TTLL5: variants seen among roughly 807,000 people sequenced by gnomAD.
TTLL5 encodes tubulin polyglutamylase TTLL5.
Under a neutral mutation model 168.4 loss-of-function variants are expected in TTLL5, and 132 were observed. The observed-to-expected ratio is 0.78, with a 90% confidence interval of 0.68 to 0.91. TTLL5 has a LOEUF of 0.91. Ranked by LOEUF, TTLL5 falls within the 40% of genes least tolerant of loss-of-function variation. The probability of loss-of-function intolerance (pLI) is 0.00; values close to 1 mark genes in which losing one functional copy is unlikely to be tolerated. For missense variants in TTLL5, 1,545 were observed against 1,581.5 expected, an observed-to-expected ratio of 0.98 and a Z score of 0.39; for synonymous variants, 546 against 558.6, an observed-to-expected ratio of 0.98 and a Z score of 0.32.
At chr14:75,692,088 T>C (rs1300712065) in intron 6 of TTLL5, among the ~76,000 whole-genome samples, 1 of 152,240 alleles carries the variant, frequency 6.6e-6, no homozygotes, top group Admixed American at 6.5e-5. Context: ...AATTTTTTGC[T>C]ATGTGACTTT....
intron 15 of TTLL5, among the ~76,000 whole-genome samples, chr14:75,743,575 CTTT>C (rs33959405): frequency 3.2e-5 from 2 of 63,098 alleles, no homozygotes; most frequent in Non-Finnish European, 5.3e-5. Context: ...TGGCATCGCT[CTTT>C]TTTTTTTTTT....
chr14:75,844,216 A>G (rs1471109039), intron 28 of TTLL5, among the ~76,000 whole-genome samples: 4 of 152,102 alleles, frequency 2.6e-5, no homozygotes, highest in African/African-American at 9.7e-5. Context: ...AATCTGAGTT[A>G]ATTTTTGTAT....
chr14:75,861,627 T>C (rs142364028), intron 28 of TTLL5, among the ~76,000 whole-genome samples: 51 of 152,298 alleles, frequency 3.3e-4, no homozygotes, highest in Admixed American at 1.6e-3. Context: ...CACCCTTTCA[T>C]TTTTCTAAGC....
chr14:75,708,782 C>G (rs974366667), intron 9 of TTLL5, among the ~76,000 whole-genome samples: 1 of 152,156 alleles, frequency 6.6e-6, no homozygotes, highest in Non-Finnish European at 1.5e-5. Context: ...AACTACTATG[C>G]TGTGTTCTTC....
chr14:75,735,341 G>A lies in TTLL5; in HGVS notation c.1281+52G>A, dbSNP rs541231610. ...TGAAGGAGGCTTACTGGGAAGTGGC[G>A]GCTGATGTAACTGTGGGAGCAGAAG... On this transcript the variant is annotated intron_variant, in intron 15 of 31. Coordinates refer to ENST00000298832, the MANE Select transcript of TTLL5 (RefSeq NM_015072.5). The A allele has an allele frequency of 1.5e-5, 23 of 1,571,000 alleles. No homozygotes were observed. In the East Asian group the frequency reaches 2.2e-4, roughly 15 times the overall value.
At chr14:75,673,518 G>A (rs1883904055) in intron 3 of TTLL5, among the ~76,000 whole-genome samples, 2 of 152,070 alleles carry the variant, frequency 1.3e-5, no homozygotes, top group Admixed American at 6.5e-5. Flanking sequence ...TGTGAGTCTT[G>A]GGCAAGTGAC....
chr14:75,684,663 G>C (rs1356229879), intron 5 of TTLL5: 1 of 152,094 alleles, frequency 6.6e-6, no homozygotes, highest in Non-Finnish European at 1.5e-5. Flanking sequence ...ATAGCCTTAC[G>C]GTCACAGGGA....
chr14:75,869,554 T>C (rs2030837893), intron 29 of TTLL5, among the ~76,000 whole-genome samples: 1 of 152,202 alleles, frequency 6.6e-6, no homozygotes, highest in South Asian at 2.1e-4. Flanking sequence ...TTTTTTTGTA[T>C]TATCTCAGTG....
At chr14:75,792,651 T>G (rs1892793154) in intron 26 of TTLL5, among the ~76,000 whole-genome samples, 1 of 152,216 alleles carries the variant, frequency 6.6e-6, no homozygotes, top group Non-Finnish European at 1.5e-5. Flanking sequence ...CTACATATAA[T>G]GAAAATTCTT....
chr14:75,741,396 G>A (rs545612792), intron 15 of TTLL5, among the ~76,000 whole-genome samples: 1 of 152,044 alleles, frequency 6.6e-6, no homozygotes, highest in East Asian at 1.9e-4. Flanking sequence ...GGAATATGTG[G>A]ATTTATTATA....
chr14:75,947,656 T>C lies in TTLL5; in HGVS notation c.3824-6768T>C, dbSNP rs150629599. Among the ~76,000 whole-genome samples the C allele has an allele frequency of 6.0e-3, 906 of 152,258 alleles. 7 individuals carry two copies. The highest frequency in any genetic ancestry group is 8.9e-3 in the Non-Finnish European group (606 of 68,014). The stretch of plus-strand genomic sequence containing the variant: ...AGTAATGTTTCTGATAATAAGAACA[T>C]TTAAGAGGCTGTGCATAGTGGTTCA... On this transcript the variant is annotated intron_variant, in intron 31 of 31. Transcript: ENST00000298832.
At chr14:75,871,690 C>T (rs77669098) in intron 29 of TTLL5, among the ~76,000 whole-genome samples, 1 of 152,012 alleles carries the variant, frequency 6.6e-6, no homozygotes, top group African/African-American at 2.4e-5. Flanking sequence ...GTTTGTTTGT[C>T]TGTAGGTATA....
At chr14:75,846,014 T>C (rs909770994) in intron 28 of TTLL5, among the ~76,000 whole-genome samples, 1 of 152,254 alleles carries the variant, frequency 6.6e-6, no homozygotes, top group Non-Finnish European at 1.5e-5. Flanking sequence ...AGTTCAGCAT[T>C]ACAAATATCT....
At chr14:75,716,962 C>T (rs1386335864) in intron 9 of TTLL5, among the ~76,000 whole-genome samples, 3 of 152,116 alleles carry the variant, frequency 2.0e-5, no homozygotes, top group Non-Finnish European at 4.4e-5. Flanking sequence ...TGCCGTTTTG[C>T]TTTGTCTGCT....
chr14:75,716,769 G>A (rs1252208502), intron 9 of TTLL5, among the ~76,000 whole-genome samples: 1 of 152,138 alleles, frequency 6.6e-6, no homozygotes, highest in Non-Finnish European at 1.5e-5. Context: ...AGCATCACTG[G>A]AAAGTTCTCT....
At chr14:75,829,608 G>T (rs964647120) in intron 28 of TTLL5, among the ~76,000 whole-genome samples, 2 of 150,014 alleles carry the variant, frequency 1.3e-5, no homozygotes, top group African/African-American at 4.9e-5. Context: ...TTTTAAAAGA[G>T]CATATGGGTT....
chr14:75,680,745 C>T (rs1052758363), intron 3 of TTLL5, among the ~76,000 whole-genome samples: 6 of 151,744 alleles, frequency 4.0e-5, no homozygotes. Context: ...CTGCCTCAGC[C>T]TCCCGAGTAG....
intron 27 of TTLL5, among the ~76,000 whole-genome samples, chr14:75,814,131 A>C (rs151165181): frequency 6.6e-6 from 1 of 152,202 alleles, no homozygotes; most frequent in African/African-American, 2.4e-5. Context: ...GTATAATGCA[A>C]ATATTCCAAA....
In TTLL5 at chr14:75,846,738, C is replaced by T. The variant is rs892739762; in HGVS notation, c.3327-16929C>T. 3.5e-4 allele frequency among the ~76,000 whole-genome samples: 52 copies of T among 148,658 alleles called. 1 individual carries two copies. Among genetic ancestry groups the T allele is most frequent in the African/African-American group, 1.1e-3 (42 of 39,934 alleles). ...CTGGGAGGCGGAGGTTGCGGTGAGCCGAGATTGCACCATTGCACTCCAGCC... is the reference window on the plus strand; with the variant it reads ...CTGGGAGGCGGAGGTTGCGGTGAGCTGAGATTGCACCATTGCACTCCAGCC... On this transcript the variant is annotated intron_variant, in intron 28 of 31. Coordinates refer to ENST00000298832, the MANE Select transcript of TTLL5 (RefSeq NM_015072.5).
Sources: gnomAD v4.1 joint callset for allele counts (sites outside exome capture counted in the v4.1 genomes callset) on GRCh38, gnomAD v4.1.1 for gene constraint, MANE v1.5 for transcripts, NCBI Gene and HGNC (gene_info 2026-07-23, HGNC 2026-07-21) for gene names.